Variants in SLC4A2 observed in about 807,000 individuals in gnomAD.
SLC4A2 encodes the protein solute carrier family 4 member 2, also known as anion exchange protein 2.
A neutral mutation model predicts 115.0 loss-of-function variants in SLC4A2; 36 were observed. The observed-to-expected ratio is 0.31, with a 90% CI of 0.24 to 0.41. The LOEUF (loss-of-function observed/expected upper bound fraction) is 0.41, where lower values mean the gene tolerates loss of function less well. SLC4A2 is among the 10% of genes least tolerant of loss of function. The pLI, the probability that SLC4A2 is intolerant of heterozygous loss-of-function variation, is 1.00. For synonymous variants in SLC4A2, 708 were observed against 708.3 expected (o/e 1.00, Z 0.01); for missense variants, 1,252 against 1,705.6 (o/e 0.73, Z 4.68).
Position 151,059,602 on chromosome 7 carries a change from T to A in SLC4A2, c.-224T>A, listed in dbSNP as rs1314885319. 3 of 150,852 alleles carry A rather than the reference T, an allele frequency of 2.0e-5. No individual in the cohort carries two copies. Among genetic ancestry groups the A allele is most frequent in the Non-Finnish European group, 4.4e-5 (3 of 67,608 alleles). 9.3% of individuals were successfully genotyped at this position (150,852 alleles called of 1,614,324 possible). On this transcript the variant is annotated 5_prime_UTR_variant, in exon 1 of 23. Transcript: ENST00000413384. This position sits in a 1 kb window ranked among gnomAD's most constrained non-coding sequence, Gnocchi z 5.8. ...GCCGGGGGGCGCGCACGCAGGGGGC[T>A]GGCCTGCCCGCGGCGCGGGGGAAAG...
At chr7:151,061,548 C>G (rs536563713) in intron 1 of SLC4A2, 2 of 178,174 alleles carry the variant, frequency 1.1e-5, no homozygotes, top group South Asian at 1.3e-4. Context: ...TGCGAGGCTC[C>G]GTTGTCTGCC....
rs762549222 is a variant in SLC4A2 at position 151,070,134 on chromosome 7, C to A, written c.1284-47C>A. On this transcript the variant is annotated intron_variant, in intron 9 of 22. Coordinates refer to ENST00000413384, the MANE Select transcript of SLC4A2 (RefSeq NM_003040.4). ...TGACACTTCAGCCCACCTGCCCTGG[C>A]CCTTGTCATTGACCCTCCTTTGCCT... is the stretch of plus-strand genomic sequence containing the variant. The A allele has an allele frequency of 2.5e-6, 4 of 1,613,828 alleles. No individual in the cohort carries two copies. The East Asian group carries it at 8.9e-5, about 36-fold the overall frequency.
At chr7:151,059,367 C>T (rs2150363410), upstream of SLC4A2, among the ~76,000 whole-genome samples, 1 of 152,320 alleles carries the variant, frequency 6.6e-6, no homozygotes. The surrounding 1 kb of genome is among the most constrained non-coding windows in gnomAD (Gnocchi z 5.8). Context: ...GCCTGGGATC[C>T]CTAGCGTGAG....
rs1400093192 is a variant in SLC4A2, at chr7:151,061,953, G to A, written c.-35G>A. The A allele has an allele frequency of 5.6e-6, 9 of 1,603,294 alleles. No individual in the cohort carries two copies. The highest frequency in any genetic ancestry group is 7.7e-6 in the Non-Finnish European group (9 of 1,175,644). On this transcript the variant is annotated 5_prime_UTR_variant, in exon 2 of 23. Coordinates refer to ENST00000413384, the MANE Select transcript of SLC4A2 (RefSeq NM_003040.4). ...ATGCCTCCGCCTCGTTGCCCTGAAA[G>A]CCGCAGCGACAGCGAAAAGGGCTAA...
At chr7:151,067,818 A>G in intron 7 of SLC4A2, 56 bp from the exon 8 acceptor site, 1 of 1,522,726 alleles carries the variant, frequency 6.6e-7, no homozygotes, top group Non-Finnish European at 9.0e-7. Flanking sequence ...TCTGACACCC[A>G]CCCCAGGGCT....
intron 1 of SLC4A2, 122 bp from the exon 2 acceptor site, chr7:151,061,803 G>A (rs1797055624): frequency 3.3e-6 from 2 of 598,342 alleles, no homozygotes; most frequent in Non-Finnish European, 6.0e-6. Flanking sequence ...TGCTGTGGCT[G>A]CCGCTAAGGG....
rs779663982 is a variant in SLC4A2 at position 151,062,041 on chromosome 7, G to C, written c.51+3G>C. 6.2e-7 allele frequency: 1 copy of C among 1,610,116 alleles called. No individual in the cohort carries two copies. Among genetic ancestry groups the C allele is most frequent in the East Asian group, 2.2e-5 (1 of 44,856 alleles). On this transcript the variant is annotated splice_donor_region_variant and intron_variant, in intron 2 of 22. Transcript: ENST00000413384. ...AGGGCGCAGATTCTTTCTGTACGGT[G>C]AGTGTGGCCCCCAGGTCGCCAGCCC...
rs1260873681 is a variant in SLC4A2, at chr7:151,067,069, C to G, written c.966+76C>G. 7.7e-6 allele frequency: 11 copies of G among 1,427,906 alleles called. No homozygotes were observed. In the South Asian group the frequency reaches 1.5e-4, roughly 19 times the overall value. 88.5% of individuals were successfully genotyped at this position (1,427,906 alleles called of 1,614,324 possible). A position where few individuals can be genotyped will look rare whatever the true frequency, so the allele number is the denominator to read the frequency against. ...CCCTACCTCTCAGACCAGCTGTAAT[C>G]TCAAGCCTCAGGGTTGCCACTGTTG... On this transcript the variant is annotated intron_variant, in intron 7 of 22. Coordinates refer to ENST00000413384, the MANE Select transcript of SLC4A2 (RefSeq NM_003040.4).
At chr7:151,072,291 TTTTAA>T (rs1333716746) in intron 16 of SLC4A2, among the ~76,000 whole-genome samples, 155 bp downstream of exon 16, 1 of 152,182 alleles carries the variant, frequency 6.6e-6, no homozygotes, top group African/African-American at 2.4e-5. Context: ...CAGATTACTC[TTTTAA>T]TTAATTAATT....
In SLC4A2 at chr7:151,064,729, A is replaced by G. The variant is rs1275727298; in HGVS notation, c.421A>G (p.Thr141Ala). Residue 141 changes from threonine to alanine, a missense_variant, in exon 4 of 23, where the codon ACT becomes GCT. This residue lies in a region of SLC4A2 where 215 missense variants were observed against 205.2 expected (regional missense o/e 1.05). Coordinates refer to ENST00000413384, the MANE Select transcript of SLC4A2 (RefSeq NM_003040.4). ...ASEAEGARAL[T>A]QPSPVSTPSS... Reference sequence around the variant, plus strand: ...CGAGGCTGAGGGGGCCCGGGCTCTCACTCAGCCGTCCCCTGTCTCCACACC... The same window carrying G: ...CGAGGCTGAGGGGGCCCGGGCTCTCGCTCAGCCGTCCCCTGTCTCCACACC... 6 of 1,611,432 alleles carry G rather than the reference A, an allele frequency of 3.7e-6. No individual in the cohort carries two copies. In the East Asian group the frequency reaches 1.3e-4, roughly 36 times the overall value.
chr7:151,068,141 G>C, intron 8 of SLC4A2, 87 bp downstream of exon 8: 1 of 1,077,284 alleles, frequency 9.3e-7, no homozygotes, highest in Non-Finnish European at 1.3e-6. Flanking sequence ...GCCCCACGTT[G>C]TGTGACAGCC....
At position 151,071,913 on chromosome 7, in the gene SLC4A2, G is replaced by A. The variant is rs1345959022; in HGVS notation, c.2341-29G>A. The A allele has an allele frequency of 6.2e-7, 1 of 1,611,720 alleles. No individual in the cohort carries two copies. The highest frequency in any genetic ancestry group is 8.5e-7 in the Non-Finnish European group (1 of 1,178,164). ...CCTCCCCACAGCATCCCCACCCAGA[G>A]CTCAGGACCTGACTGCCCCTCCCTC... On this transcript the variant is annotated intron_variant, in intron 15 of 22. Transcript: ENST00000413384. The surrounding 1 kb of genome is among the most constrained non-coding windows in gnomAD (Gnocchi z 5.5).
At chr7:151,068,831 T>C (rs73474642) in intron 8 of SLC4A2, among the ~76,000 whole-genome samples, 47,382 of 146,864 alleles carry the variant, frequency 0.32, 7,855 homozygotes, top group East Asian at 0.42. Context: ...AAAATTAAAT[T>C]AAAAAAAAAA....
intron 1 of SLC4A2, chr7:151,061,674 C>G: frequency 7.7e-6 from 3 of 388,156 alleles, no homozygotes; most frequent in Non-Finnish European, 1.4e-5. Flanking sequence ...TGCGGCCTTT[C>G]CCACCTCCTC....
At position 151,075,751 on chromosome 7, in the gene SLC4A2, C is replaced by T. The variant is rs978929083; in HGVS notation, c.3447C>T (p.His1149=). The change falls in exon 21 of 23, where the codon CAC becomes CAT. Residue 1149 remains histidine, a synonymous_variant. Transcript: ENST00000413384. ...TGCTGCTCATGCCGCCCAAACACCA[C>T]CCAGATGTCACTTACGTCAAGAAGG... The part of the protein sequence containing the change: ...LHLLLMPPKH[H]PDVTYVKKVR... 1.9e-6 allele frequency: 3 copies of T among 1,607,192 alleles called. No individual in the cohort carries two copies. In the African/African-American group the frequency reaches 4.0e-5, roughly 21 times the overall value.
chr7:151,063,056 T>A (rs1797105846), intron 2 of SLC4A2: 1 of 1,481,944 alleles, frequency 6.7e-7, no homozygotes, highest in Non-Finnish European at 8.9e-7. Context: ...GCTGAGACCG[T>A]GGGTGGGTGG....
intron 1 of SLC4A2, 59 bp from the exon 2 acceptor site, chr7:151,061,866 C>A: frequency 1.2e-6 from 1 of 849,150 alleles, no homozygotes; most frequent in Non-Finnish European, 1.9e-6. Flanking sequence ...GCAGCCTGCG[C>A]GTGGTGGCTC....
chr7:151,075,117 T>C (rs1260444296), intron 19 of SLC4A2, 138 bp from the exon 20 acceptor site: 2 of 1,269,388 alleles, frequency 1.6e-6, no homozygotes, highest in African/African-American at 3.0e-5. Context: ...TGTAACGGAA[T>C]TTGAATCCTG....
chr7:151,066,999 A>G lies in SLC4A2; in HGVS notation c.966+6A>G, dbSNP rs1797259079. The G allele has an allele frequency of 1.9e-6, 3 of 1,586,686 alleles. No homozygotes were observed. Among genetic ancestry groups the G allele is most frequent in the South Asian group, 2.3e-5 (2 of 87,196 alleles). ...CCCCCCACAAGCCCCATGAGGTACC[A>G]TGCTCTGCTTCATGCTCTTCCATCA... On this transcript the variant is annotated splice_donor_region_variant and intron_variant, in intron 7 of 22. Coordinates refer to ENST00000413384, the MANE Select transcript of SLC4A2 (RefSeq NM_003040.4).
Sources: allele counts gnomAD v4.1 joint callset (sites outside exome capture counted in the v4.1 genomes callset), GRCh38; gene constraint gnomAD v4.1.1; regional missense constraint gnomAD v4.1.1; non-coding constraint Gnocchi (gnomAD v3.1); transcripts MANE v1.5; gene names NCBI Gene and HGNC (gene_info 2026-07-23, HGNC 2026-07-21).